The following CRYBG1 variants were observed in gnomAD, a reference collection of about 807,000 sequenced individuals.
CRYBG1 encodes the protein beta/gamma crystallin domain-containing protein 1.
Under a neutral mutation model 189.2 loss-of-function variants are expected in CRYBG1, and 139 were observed. The observed-to-expected ratio is 0.73, with a 90% CI of 0.64 to 0.85. The LOEUF is 0.85. CRYBG1 is among the 40% of genes least tolerant of loss of function. The probability of loss-of-function intolerance (pLI) is 0.00; values close to 1 mark genes in which losing one functional copy is unlikely to be tolerated. For synonymous variants in CRYBG1, 1,023 were observed against 1,017.1 expected (o/e 1.01, Z -0.11); for missense variants, 2,611 against 2,675.8 (o/e 0.98, Z 0.53).
chr6:106,472,881 G>A (rs550475844), intron 2 of CRYBG1, among the ~76,000 whole-genome samples: 1 of 147,364 alleles, frequency 6.8e-6, no homozygotes, highest in African/African-American at 2.5e-5. Context: ...TCCAGGCTGG[G>A]CAACAGAATA....
intron 21 of CRYBG1, among the ~76,000 whole-genome samples, chr6:106,564,391 T>A (rs140407193): frequency 1.3e-5 from 2 of 152,222 alleles, no homozygotes; most frequent in Admixed American, 6.5e-5. Context: ...GACCTTTCAT[T>A]GAAAAGATCT....
Position 106,520,978 on chromosome 6 carries a change from C to T in CRYBG1, c.3770C>T (p.Ser1257Phe), listed in dbSNP as rs1432617975. Residue 1257 changes from serine (S) to phenylalanine (F), a missense_variant, in exon 4 of 22, where the codon TCT becomes TTT. Physicochemically the swap from Ser to Phe is radical, Grantham distance 155 (BLOSUM62 -2). Coordinates refer to ENST00000633556, the MANE Select transcript of CRYBG1 (RefSeq NM_001371242.2). ...TCTTTACCACAAGACAAAATCTTTT[C>T]TCCTTCTGTGACATCAGTCAACACT... is the stretch of plus-strand genomic sequence containing the variant. ...LSSLPQDKIF[S>F]PSVTSVNTMT... 1.7e-5 allele frequency: 28 copies of T among 1,614,052 alleles called. No homozygotes were observed. The highest frequency in any genetic ancestry group is 2.4e-5 in the Non-Finnish European group (28 of 1,180,038).
intron 11 of CRYBG1, 101 bp downstream of exon 11, chr6:106,543,698 T>C: frequency 7.7e-7 from 1 of 1,298,018 alleles, no homozygotes. Context: ...GATTCTATAG[T>C]ATGGTGAATT....
In CRYBG1 at chr6:106,560,679, TC is replaced by T. The variant is rs879881541; in HGVS notation, c.5856-119del. 2.2e-5 allele frequency: 26 copies of T among 1,163,240 alleles called. No individual in the cohort carries two copies. In the Admixed American group the frequency reaches 4.7e-4, roughly 21 times the overall value. 72.1% of individuals were successfully genotyped at this position (1,163,240 alleles called of 1,614,324 possible). A position where few individuals can be genotyped will look rare whatever the true frequency, so the allele number is the denominator to read the frequency against. ...TAAGTGTTCTAGAAAAGATCATTTT[TC>T]CCCCAATGTATGTTAAAAGTATATA... On this transcript the variant is annotated intron_variant, in intron 18 of 21. Transcript: ENST00000633556.
intron 2 of CRYBG1, among the ~76,000 whole-genome samples, chr6:106,490,089 C>T (rs1391143787): frequency 1.3e-5 from 2 of 152,232 alleles, no homozygotes; most frequent in Non-Finnish European, 1.5e-5. Flanking sequence ...AGTCCTTAGT[C>T]CACATTACAG....
chr6:106,514,902 A>G (rs1773383332), intron 3 of CRYBG1, among the ~76,000 whole-genome samples: 2 of 152,212 alleles, frequency 1.3e-5, no homozygotes, highest in Non-Finnish European at 2.9e-5. Flanking sequence ...TCATTTGGCA[A>G]ATTATTGACT....
At position 106,569,884 on chromosome 6, in the gene CRYBG1, A is replaced by T. The variant is rs1775007385; in HGVS notation, c.*1318A>T. On this transcript the variant is annotated 3_prime_UTR_variant, in exon 22 of 22. Transcript: ENST00000633556. ...GGCTCAAGAGGATGACCAGCAATTA[A>T]TTATCCCCAGAAAGTGAAGGAAAAG... 1 of 152,172 alleles carries T rather than the reference A, an allele frequency of 6.6e-6. No individual in the cohort carries two copies. Among genetic ancestry groups the T allele is most frequent in the Admixed American group, 6.5e-5 (1 of 15,272 alleles). 9.4% of individuals were successfully genotyped at this position (152,172 alleles called of 1,614,324 possible). A position where few individuals can be genotyped will look rare whatever the true frequency, so the allele number is the denominator to read the frequency against.
rs750549225 is a variant in CRYBG1, at chr6:106,519,728, C to T, written c.2520C>T (p.Thr840=). 6.2e-7 allele frequency: 1 copy of T among 1,614,188 alleles called. No individual in the cohort carries two copies. The change falls in exon 4 of 22, where the codon ACC becomes ACT. Residue 840 remains threonine, a synonymous_variant. Transcript: ENST00000633556. ...NVTDTAQDIP[T]TVDTKDLPPT... ...CCGATACAGCACAAGACATCCCCAC[C>T]ACTGTGGATACCAAAGATTTACCTC...
intron 1 of CRYBG1, among the ~76,000 whole-genome samples, chr6:106,407,926 G>C (rs936112940): frequency 1.2e-4 from 19 of 152,090 alleles, no homozygotes; most frequent in Admixed American, 1.2e-3. Context: ...AAGCAAGAAA[G>C]ATCTAAAATC....
chr6:106,371,403 C>T (rs1770028419), intron 1 of CRYBG1, among the ~76,000 whole-genome samples: 1 of 152,218 alleles, frequency 6.6e-6, no homozygotes, highest in South Asian at 2.1e-4. Context: ...AGAGGAGGCT[C>T]ACCCAGGCCT....
intron 3 of CRYBG1, among the ~76,000 whole-genome samples, chr6:106,518,255 T>C (rs1773486814): frequency 6.6e-6 from 1 of 152,220 alleles, no homozygotes. Flanking sequence ...GATTTTTAAA[T>C]ATTATCCAAA....
chr6:106,490,055 C>T (rs575194734), intron 2 of CRYBG1, among the ~76,000 whole-genome samples: 10 of 152,298 alleles, frequency 6.6e-5, no homozygotes, highest in African/African-American at 2.4e-4. Flanking sequence ...TCCAGCAGGG[C>T]ATGAAAAGCC....
intron 1 of CRYBG1, among the ~76,000 whole-genome samples, chr6:106,373,553 G>T (rs2787520): frequency 0.55 from 83,403 of 152,008 alleles, 24,387 homozygotes; most frequent in East Asian, 0.73. Context: ...TTTGTCTTTA[G>T]TACCCATTTC....
In CRYBG1 at chr6:106,513,049, C is replaced by A; in HGVS notation, c.1922+10C>A. On this transcript the variant is annotated intron_variant, in intron 3 of 21. Transcript: ENST00000633556. Reference sequence around the variant, plus strand: ...CCACTAAAGTGACCCTGTAAGTAGCCGCGCAAGTCCCGGCCGAGTTGCTGT... The same window carrying A: ...CCACTAAAGTGACCCTGTAAGTAGCAGCGCAAGTCCCGGCCGAGTTGCTGT... 1.3e-6 allele frequency: 2 copies of A among 1,594,898 alleles called. No individual in the cohort carries two copies.
Position 106,555,878 on chromosome 6 carries a change from C to T in CRYBG1, c.5696C>T (p.Ser1899Phe). The change falls in exon 17 of 22, where the codon TCT (serine) becomes TTT (phenylalanine). Residue 1899 changes from serine (S) to phenylalanine (F), a missense_variant. Physicochemically the swap from Ser to Phe is radical, Grantham distance 155. Transcript: ENST00000633556. ...TGCCCGCCTGGAGCAACTTTCAAGTCTCTTCGTTTTATAGATGTTGTAAGT... is the reference window on the plus strand; with the variant it reads ...TGCCCGCCTGGAGCAACTTTCAAGTTTCTTCGTTTTATAGATGTTGTAAGT... Reference protein sequence around the residue: ...MGCPPGATFKSLRFIDVEFSE... With the variant: ...MGCPPGATFKFLRFIDVEFSE... The T allele has an allele frequency of 1.2e-6, 2 of 1,614,130 alleles. No homozygotes were observed. The highest frequency in any genetic ancestry group is 1.7e-6 in the Non-Finnish European group (2 of 1,179,996).
At chr6:106,567,679 C>A (rs866578317) in intron 21 of CRYBG1, among the ~76,000 whole-genome samples, 19 of 143,974 alleles carry the variant, frequency 1.3e-4, no homozygotes, top group Middle Eastern at 3.5e-3. Context: ...TTATTCTACA[C>A]TGGAAAAAAA....
At chr6:106,410,044 A>G (rs1274127032) in intron 1 of CRYBG1, among the ~76,000 whole-genome samples, 3 of 152,140 alleles carry the variant, frequency 2.0e-5, no homozygotes, top group Non-Finnish European at 4.4e-5. Context: ...AAACTGAAGA[A>G]CTGCTGCACA....
chr6:106,379,410 T>C (rs1446388243), intron 1 of CRYBG1, among the ~76,000 whole-genome samples: 3 of 151,228 alleles, frequency 2.0e-5, no homozygotes, highest in Non-Finnish European at 4.4e-5. Flanking sequence ...TACAGGCACC[T>C]GCCACCATGC....
intron 18 of CRYBG1, among the ~76,000 whole-genome samples, chr6:106,560,484 T>C (rs919408975): frequency 6.6e-6 from 1 of 152,204 alleles, no homozygotes; most frequent in African/African-American, 2.4e-5. Flanking sequence ...TTATTACAAC[T>C]GAAGCTATTT....
Sources: allele counts gnomAD v4.1 joint callset (sites outside exome capture counted in the v4.1 genomes callset), GRCh38; gene constraint gnomAD v4.1.1; transcripts MANE v1.5; gene names NCBI Gene and HGNC (gene_info 2026-07-23, HGNC 2026-07-21).